Variants in DNER observed in about 807,000 individuals in gnomAD.
The protein encoded by DNER is delta and Notch-like epidermal growth factor-related receptor.
A neutral mutation model predicts 78.2 loss-of-function variants in DNER; 33 were observed. That is an observed-to-expected ratio of 0.42 (90% CI 0.32 to 0.56). The LOEUF (loss-of-function observed/expected upper bound fraction) is 0.56. Among genes scored for constraint, DNER ranks in the 20% least tolerant of loss-of-function variants. DNER has a pLI of 0.11. For missense variants in DNER, 918 were observed against 975.3 expected (o/e 0.94, Z 0.78); for synonymous variants, 417 against 384.8 (o/e 1.08, Z -0.98).
chr2:229,684,338 A>G (rs1390079062), intron 1 of DNER, among the ~76,000 whole-genome samples: 1 of 151,478 alleles, frequency 6.6e-6, no homozygotes, highest in Non-Finnish European at 1.5e-5. Context: ...AAATGTCTGA[A>G]TTCTCTCCCG....
At chr2:229,489,454 A>C (rs148571866) in intron 6 of DNER, among the ~76,000 whole-genome samples, 1 of 152,042 alleles carries the variant, frequency 6.6e-6, no homozygotes, top group African/African-American at 2.4e-5. Context: ...GTGTGGGATC[A>C]AAAGGAGGCA....
At chr2:229,418,057 A>G (rs1693687616) in intron 9 of DNER, 51 bp downstream of exon 9, 9 of 1,613,448 alleles carry the variant, frequency 5.6e-6, no homozygotes, top group Admixed American at 1.7e-5. Context: ...TGAGAAATAC[A>G]TGACGTCATT....
chr2:229,407,769 C>T (rs1693419595), intron 9 of DNER, among the ~76,000 whole-genome samples: 1 of 152,138 alleles, frequency 6.6e-6, no homozygotes, highest in Admixed American at 6.5e-5. Flanking sequence ...AAGTGAGTCC[C>T]AGTTCTACTT....
intron 6 of DNER, among the ~76,000 whole-genome samples, chr2:229,495,231 A>G (rs1386584719): frequency 6.6e-6 from 1 of 152,210 alleles, no homozygotes; most frequent in Non-Finnish European, 1.5e-5. Flanking sequence ...AACAAATTCT[A>G]CCTTTCACAA....
chr2:229,669,397 T>C lies in DNER; in HGVS notation c.276+44751A>G, dbSNP rs1699169886. On this transcript the variant is annotated intron_variant, in intron 1 of 12. Coordinates refer to ENST00000341772, the MANE Select transcript of DNER (RefSeq NM_139072.4). The stretch of plus-strand genomic sequence containing the variant: ...ATATATATATATATATAAAAGAATG[T>C]CTATGTATATATAAAATTGAAATGT... Among the ~76,000 whole-genome samples the C allele has an allele frequency of 2.7e-5, 4 of 150,858 alleles. No homozygotes were observed. The South Asian group carries it at 8.3e-4, about 31-fold the overall frequency.
intron 12 of DNER, among the ~76,000 whole-genome samples, chr2:229,360,033 T>G (rs924055288): frequency 1.3e-5 from 2 of 152,198 alleles, no homozygotes; most frequent in Non-Finnish European, 2.9e-5. Flanking sequence ...TAGATGTGGG[T>G]CAGGCTCTAG....
At chr2:229,685,813 T>C (rs1168246824) in intron 1 of DNER, among the ~76,000 whole-genome samples, 1 of 152,250 alleles carries the variant, frequency 6.6e-6, no homozygotes, top group South Asian at 2.1e-4. Context: ...TGTGGACAGA[T>C]AGCAAACGAG....
intron 4 of DNER, among the ~76,000 whole-genome samples, chr2:229,569,002 C>T (rs549047192): frequency 2.6e-5 from 4 of 151,804 alleles, no homozygotes; most frequent in Non-Finnish European, 2.9e-5. Context: ...TGCATATACA[C>T]GAATGTGCAT....
intron 1 of DNER, among the ~76,000 whole-genome samples, chr2:229,634,692 G>C (rs1698498233): frequency 6.6e-6 from 1 of 152,162 alleles, no homozygotes; most frequent in Non-Finnish European, 1.5e-5. Context: ...TGGGAACTGG[G>C]GAATTGCCCG....
intron 11 of DNER, among the ~76,000 whole-genome samples, chr2:229,369,542 G>A (rs1692433581): frequency 6.6e-6 from 1 of 152,222 alleles, no homozygotes; most frequent in Admixed American, 6.5e-5. Context: ...GACATGTGGT[G>A]GTGGTCCCTA....
At chr2:229,662,257 G>A (rs964009326) in intron 1 of DNER, among the ~76,000 whole-genome samples, 3 of 152,192 alleles carry the variant, frequency 2.0e-5, no homozygotes, top group Non-Finnish European at 4.4e-5. Context: ...ACCCATTGCA[G>A]ATGCAGGCTA....
chr2:229,706,707 C>A (rs988122323), intron 1 of DNER, among the ~76,000 whole-genome samples: 4 of 152,166 alleles, frequency 2.6e-5, no homozygotes, highest in African/African-American at 9.7e-5. Flanking sequence ...TCCTTGGACA[C>A]TGAAATCTGG....
At chr2:229,442,454 G>A (rs1694255272) in intron 8 of DNER, among the ~76,000 whole-genome samples, 2 of 151,896 alleles carry the variant, frequency 1.3e-5, no homozygotes, top group Admixed American at 6.6e-5. Flanking sequence ...GGCGGAGGTT[G>A]CAGTGAGCTG....
In DNER at chr2:229,591,606, C is replaced by T; in HGVS notation, c.559G>A (p.Val187Ile). The change falls in exon 2 of 13, where the codon GTA (valine) becomes ATA (isoleucine). Residue 187 changes from valine (V) to isoleucine (I), a missense_variant. Val to Ile is a conservative substitution (Grantham distance 29). Transcript: ENST00000341772. This position sits in a 1 kb window ranked among gnomAD's most constrained non-coding sequence, Gnocchi z 4.6. Reference protein sequence around the residue: ...TWQPKTGQKVVEMKWDQVEVI... With the variant: ...TWQPKTGQKVIEMKWDQVEVI... ...TCCACTTGATCCCATTTCATTTCTA[C>T]AACTTTCTGCCCTGTTTTCGGCTGC... 5 of 1,614,078 alleles carry T rather than the reference C, an allele frequency of 3.1e-6. No homozygotes were observed. Among genetic ancestry groups the T allele is most frequent in the South Asian group, 1.1e-5 (1 of 91,058 alleles).
At chr2:229,645,585 A>G (rs1698703934) in intron 1 of DNER, among the ~76,000 whole-genome samples, 1 of 152,232 alleles carries the variant, frequency 6.6e-6, no homozygotes, top group African/African-American at 2.4e-5. Flanking sequence ...ACTGTAATTT[A>G]TCCTTCAAAT....
chr2:229,655,534 C>T (rs914556146), intron 1 of DNER, among the ~76,000 whole-genome samples: 8 of 152,026 alleles, frequency 5.3e-5, no homozygotes, highest in African/African-American at 1.7e-4. Context: ...TTCACTAAAT[C>T]GATCATTTAG....
chr2:229,396,269 G>A (rs1023485534), intron 10 of DNER, among the ~76,000 whole-genome samples: 1 of 150,966 alleles, frequency 6.6e-6, no homozygotes, highest in African/African-American at 2.4e-5. Context: ...TTACCAGGAA[G>A]ATAGAAACCA....
At chr2:229,402,434 C>A (rs1693287251) in intron 10 of DNER, among the ~76,000 whole-genome samples, 1 of 152,132 alleles carries the variant, frequency 6.6e-6, no homozygotes, top group Non-Finnish European at 1.5e-5. Context: ...GAAATTAAAG[C>A]ACTGATGGTA....
chr2:229,468,062 A>C (rs748056806), intron 7 of DNER, among the ~76,000 whole-genome samples: 1 of 152,240 alleles, frequency 6.6e-6, no homozygotes, highest in Non-Finnish European at 1.5e-5. Flanking sequence ...CAGGAAGGGA[A>C]ACCGCCTTTG....
Sources: gnomAD v4.1 joint callset for allele counts (sites outside exome capture counted in the v4.1 genomes callset) on GRCh38, gnomAD v4.1.1 for gene constraint, Gnocchi (gnomAD v3.1) non-coding constraint, MANE v1.5 for transcripts, NCBI Gene and HGNC (gene_info 2026-07-23, HGNC 2026-07-21) for gene names.